SUGCT: variants seen among roughly 807,000 people sequenced by gnomAD.
The protein encoded by SUGCT is succinyl-CoA:glutarate-CoA transferase.
Under a neutral mutation model 55.0 loss-of-function variants are expected in SUGCT, and 41 were observed. The ratio of observed to expected loss-of-function variants is 0.74; its 90% CI spans 0.58 to 0.97. The LOEUF (loss-of-function observed/expected upper bound fraction) is 0.97. SUGCT is among the 50% of genes least tolerant of loss of function. SUGCT has a pLI of 0.00. For synonymous variants in SUGCT, 187 were observed against 200.4 expected (o/e 0.93, Z 0.56); for missense variants, 568 against 547.8 (o/e 1.04, Z -0.37).
chr7:40,365,783 A>G (rs934088121), intron 9 of SUGCT, among the ~76,000 whole-genome samples: 2 of 152,184 alleles, frequency 1.3e-5, no homozygotes, highest in African/African-American at 4.8e-5. Flanking sequence ...CAAATGGAAG[A>G]ACATTCCATG....
At chr7:40,900,246 A>G in the SUGCT span, among the ~76,000 whole-genome samples, 2 of 152,216 alleles carry the variant, frequency 1.3e-5, no homozygotes, top group African/African-American at 4.8e-5. Context: ...CTGAAGCCAC[A>G]TTTCTAACCG....
intron 10 of SUGCT, among the ~76,000 whole-genome samples, chr7:40,453,097 A>C (rs1295576658): frequency 6.6e-6 from 1 of 152,188 alleles, no homozygotes; most frequent in Non-Finnish European, 1.5e-5. Flanking sequence ...AGAACATGAA[A>C]AAGTGAGCTG....
chr7:40,952,909 G>A, the SUGCT span, among the ~76,000 whole-genome samples: 1 of 152,036 alleles, frequency 6.6e-6, no homozygotes, highest in Non-Finnish European at 1.5e-5. Context: ...TTCAACTTTG[G>A]TGAATCTGAC....
intron 9 of SUGCT, among the ~76,000 whole-genome samples, chr7:40,431,810 T>A (rs1787909821): frequency 6.6e-6 from 1 of 152,182 alleles, no homozygotes; most frequent in South Asian, 2.1e-4. Context: ...TTTTTAAAAA[T>A]GTCTTTTTAA....
intron 12 of SUGCT, among the ~76,000 whole-genome samples, chr7:40,524,278 A>T (rs1447552601): frequency 6.6e-6 from 1 of 152,062 alleles, no homozygotes; most frequent in East Asian, 1.9e-4. Context: ...AATTTCCCAA[A>T]TGTTTTGCTG....
the SUGCT span, among the ~76,000 whole-genome samples, chr7:40,955,427 C>T: frequency 6.6e-6 from 1 of 152,126 alleles, no homozygotes; most frequent in Non-Finnish European, 1.5e-5. Context: ...TGATTTGGCT[C>T]TCTGTTTTTC....
At chr7:40,220,681 C>T (rs1012432489) in intron 6 of SUGCT, among the ~76,000 whole-genome samples, 2 of 152,170 alleles carry the variant, frequency 1.3e-5, no homozygotes, top group African/African-American at 4.8e-5. Context: ...TCCACAAATA[C>T]ATAGATATAT....
intron 13 of SUGCT, among the ~76,000 whole-genome samples, chr7:40,845,643 A>T (rs915772079): frequency 6.6e-6 from 1 of 152,204 alleles, no homozygotes; most frequent in Non-Finnish European, 1.5e-5. Flanking sequence ...CATAGAGAGA[A>T]AGGACTTTCT....
intron 11 of SUGCT, among the ~76,000 whole-genome samples, chr7:40,491,581 A>G (rs904097288): frequency 4.6e-5 from 7 of 152,284 alleles, no homozygotes; most frequent in Non-Finnish European, 1.0e-4. Context: ...GGCTGGTAAT[A>G]TGGATTTGGA....
At chr7:40,607,106 A>ATT (rs201083553) in intron 12 of SUGCT, among the ~76,000 whole-genome samples, 14 of 141,062 alleles carry the variant, frequency 9.9e-5, no homozygotes, top group African/African-American at 3.4e-4. Context: ...CTTTTTCTGG[A>ATT]TTTTTTTTTT....
rs928397687 is a variant in SUGCT, at chr7:40,195,708, C to CTTTTT, written c.484+668_484+672dup. 3.0e-3 allele frequency among the ~76,000 whole-genome samples: 211 copies of CTTTTT among 69,422 alleles called. 8 individuals carry two copies. The highest frequency in any genetic ancestry group is 3.6e-3 in the Non-Finnish European group (142 of 39,584). The allele number at this position is 69,422 out of a possible 152,430, so 45.5% of individuals were successfully genotyped here. A position where few individuals can be genotyped will look rare whatever the true frequency, so the allele number is the denominator to read the frequency against. On this transcript the variant is annotated intron_variant, in intron 6 of 13. Coordinates refer to ENST00000335693, the MANE Select transcript of SUGCT (RefSeq NM_001193313.2). ...GGTGAATTTACAGTTGAAAACAATT[C>CTTTTT]TTTTTTTTTTTTTTTTTTTTTTTTG...
At position 40,852,127 on chromosome 7, in the gene SUGCT, C is replaced by CA. The variant is rs1375727415; in HGVS notation, c.1154-8182dup. On this transcript the variant is annotated intron_variant, in intron 13 of 13. Coordinates refer to ENST00000335693, the MANE Select transcript of SUGCT (RefSeq NM_001193313.2). The stretch of plus-strand genomic sequence containing the variant: ...ATAGGCATCTCAAACTTGGCGTGTC[C>CA]AAAAAAATAATCCTTGGCTTGTGCC... 2.6e-4 allele frequency among the ~76,000 whole-genome samples: 40 copies of CA among 152,260 alleles called. No individual in the cohort carries two copies. The East Asian group carries it at 5.6e-3, about 21-fold the overall frequency.
intron 6 of SUGCT, among the ~76,000 whole-genome samples, chr7:40,226,097 A>G (rs188269942): frequency 6.6e-6 from 1 of 152,252 alleles, no homozygotes. Flanking sequence ...TAGCAGGTAT[A>G]TTGGGAGGTC....
intron 12 of SUGCT, among the ~76,000 whole-genome samples, chr7:40,510,548 T>C (rs1792868036): frequency 6.6e-6 from 1 of 152,134 alleles, no homozygotes; most frequent in Non-Finnish European, 1.5e-5. Flanking sequence ...TGTCCCATAC[T>C]TTACCTCAAA....
the SUGCT span, among the ~76,000 whole-genome samples, chr7:41,037,727 C>T: frequency 4.0e-5 from 6 of 151,248 alleles, no homozygotes; most frequent in Non-Finnish European, 8.8e-5. Context: ...ATCAGTTCAC[C>T]GCCATGTGTG....
intron 10 of SUGCT, among the ~76,000 whole-genome samples, chr7:40,455,754 A>G (rs906980191): frequency 6.6e-6 from 1 of 152,230 alleles, no homozygotes. Flanking sequence ...TTCTTATGCT[A>G]CAAGTGATTC....
At chr7:40,648,943 C>G (rs1800649482) in intron 12 of SUGCT, among the ~76,000 whole-genome samples, 1 of 152,090 alleles carries the variant, frequency 6.6e-6, no homozygotes, top group Non-Finnish European at 1.5e-5. Context: ...TACAGCAGCT[C>G]TAGGAAACTA....
intron 1 of SUGCT, among the ~76,000 whole-genome samples, chr7:40,143,637 A>G (rs1306294462): frequency 2.6e-5 from 4 of 152,228 alleles, no homozygotes; most frequent in Admixed American, 1.3e-4. Flanking sequence ...GCATCTTGGT[A>G]TCTTGTCTTA....
intron 8 of SUGCT, among the ~76,000 whole-genome samples, chr7:40,292,193 GC>G (rs1157607779): frequency 6.6e-6 from 1 of 152,146 alleles, no homozygotes; most frequent in African/African-American, 2.4e-5. Flanking sequence ...TCTGATTCAA[GC>G]TTTACATTGC....
Sources: allele counts gnomAD v4.1 joint callset (sites outside exome capture counted in the v4.1 genomes callset), GRCh38; gene constraint gnomAD v4.1.1; transcripts MANE v1.5; gene names NCBI Gene and HGNC (gene_info 2026-07-23, HGNC 2026-07-21).